The following RCOR1 variants were observed in gnomAD, a reference collection of about 807,000 sequenced individuals.
RCOR1 encodes the protein REST corepressor 1.
Under a neutral mutation model 64.0 loss-of-function variants are expected in RCOR1, and 12 were observed. The ratio of observed to expected loss-of-function variants is 0.19; its 90% CI spans 0.12 to 0.30. The LOEUF (loss-of-function observed/expected upper bound fraction) is 0.30, where lower values mean the gene tolerates loss of function less well. Ranked by LOEUF, RCOR1 falls within the 10% of genes least tolerant of loss-of-function variation. RCOR1 has a pLI of 1.00. For synonymous variants in RCOR1, 279 were observed against 227.2 expected (o/e 1.23, Z -2.05); for missense variants, 502 against 621.2 (o/e 0.81, Z 2.04).
chr14:102,623,389 TA>T (rs1893915845), intron 2 of RCOR1, among the ~76,000 whole-genome samples: 1 of 117,030 alleles, frequency 8.5e-6, no homozygotes, highest in African/African-American at 4.9e-5. Context: ...ATTTATTTAT[TA>T]TTTATTTATT....
At chr14:102,671,171 T>G (rs1413075403) in intron 2 of RCOR1, among the ~76,000 whole-genome samples, 9 of 152,226 alleles carry the variant, frequency 5.9e-5, no homozygotes, top group Admixed American at 5.9e-4. Context: ...ATTTGGCCAT[T>G]CTCTTTCTTG....
intron 2 of RCOR1, chr14:102,630,088 T>C: frequency 2.8e-6 from 2 of 713,012 alleles, no homozygotes; most frequent in Non-Finnish European, 3.4e-6. Flanking sequence ...TGAAATTTGA[T>C]CTCCAGTGTT....
chr14:102,698,069 G>T (rs537853265), intron 3 of RCOR1, among the ~76,000 whole-genome samples: 3 of 152,186 alleles, frequency 2.0e-5, no homozygotes, highest in African/African-American at 7.2e-5. Flanking sequence ...ACCTTAGTAA[G>T]AATACCTTAT....
At chr14:102,617,685 G>C (rs915903190) in intron 2 of RCOR1, among the ~76,000 whole-genome samples, 2 of 150,252 alleles carry the variant, frequency 1.3e-5, no homozygotes, top group Admixed American at 6.7e-5. Flanking sequence ...CACTTCCCAG[G>C]TTCAAGGGAT....
intron 2 of RCOR1, among the ~76,000 whole-genome samples, chr14:102,676,096 T>G (rs1895143076): frequency 4.0e-5 from 6 of 149,084 alleles, no homozygotes; most frequent in Admixed American, 4.0e-4. Context: ...ATGAAAAGTC[T>G]CCCATGTCTA....
intron 7 of RCOR1, among the ~76,000 whole-genome samples, chr14:102,711,612 G>C (rs185781808): frequency 1.3e-5 from 2 of 152,290 alleles, no homozygotes; most frequent in Admixed American, 6.5e-5. Flanking sequence ...CTTTTACATA[G>C]GTTCATAGAG....
chr14:102,701,302 A>G lies in RCOR1; in HGVS notation c.470A>G (p.Lys157Arg), dbSNP rs758020479. The change falls in exon 4 of 12, where the codon AAA (lysine) becomes AGA (arginine). Residue 157 changes from lysine (K) to arginine (R), a missense_variant. Lys to Arg is a conservative substitution (Grantham distance 26, BLOSUM62 2). Transcript: ENST00000262241. ...GTGGATGAATACATTGCCATTGCCA[A>G]AGAAAAGCATGGGTACAACATGGAA... ...AKLDEYIAIAKEKHGYNMEQA... is the reference protein window; with the variant it reads ...AKLDEYIAIAREKHGYNMEQA... The G allele has an allele frequency of 6.2e-7, 1 of 1,613,146 alleles. No individual in the cohort carries two copies.
chr14:102,655,311 T>C (rs1391824138), intron 2 of RCOR1: 9 of 984,958 alleles, frequency 9.1e-6, no homozygotes, highest in African/African-American at 1.7e-5. Flanking sequence ...GTTTAAATAC[T>C]GGAGAATATC....
In RCOR1 at chr14:102,714,576, C is replaced by T; in HGVS notation, c.1012C>T (p.Leu338=). 2 of 1,612,054 alleles carry T rather than the reference C, an allele frequency of 1.2e-6. No individual in the cohort carries two copies. Among genetic ancestry groups the T allele is most frequent in the South Asian group, 2.2e-5 (2 of 90,930 alleles). The change falls in exon 8 of 12, where the codon CTG becomes TTG. Residue 338 remains leucine (L), a synonymous_variant. Transcript: ENST00000262241. ...SANATAATTV[L]RQLDMELVSV... is the part of the protein sequence containing the mutation. ...CAATGCCACTGCTGCTACCACGGTG[C>T]TGAGACAACTAGACATGGAATTGGT...
chr14:102,719,519 G>T (rs958170569), intron 8 of RCOR1, among the ~76,000 whole-genome samples: 1 of 152,084 alleles, frequency 6.6e-6, no homozygotes, highest in Non-Finnish European at 1.5e-5. Flanking sequence ...CTGTCCTTGC[G>T]ATAGTTTGCT....
chr14:102,617,389 A>G (rs1893783350), intron 2 of RCOR1, among the ~76,000 whole-genome samples: 1 of 152,086 alleles, frequency 6.6e-6, no homozygotes, highest in East Asian at 1.9e-4. Context: ...ACTTGTGTAC[A>G]TGTTTTTGGG....
At chr14:102,602,269 C>T (rs1893417146) in intron 2 of RCOR1, among the ~76,000 whole-genome samples, 1 of 152,046 alleles carries the variant, frequency 6.6e-6, no homozygotes, top group African/African-American at 2.4e-5. Context: ...AGTACATTTC[C>T]ACTAGCAAGG....
intron 6 of RCOR1, among the ~76,000 whole-genome samples, chr14:102,709,461 A>G (rs1182049432): frequency 6.6e-6 from 1 of 152,234 alleles, no homozygotes; most frequent in African/African-American, 2.4e-5. Flanking sequence ...AAAATGAAGG[A>G]GGATGAAATA....
chr14:102,689,754 A>AT (rs1365003633), intron 3 of RCOR1, among the ~76,000 whole-genome samples: 2 of 152,070 alleles, frequency 1.3e-5, no homozygotes, highest in African/African-American at 4.8e-5. Flanking sequence ...AAGCTGGCTG[A>AT]TTTTTTTGAG....
At chr14:102,685,079 T>TG (rs397948268) in intron 3 of RCOR1, among the ~76,000 whole-genome samples, 117 of 147,806 alleles carry the variant, frequency 7.9e-4, no homozygotes, top group African/African-American at 2.4e-3. Context: ...TGTGTGTGTG[T>TG]TTTTTTTTTC....
intron 2 of RCOR1, among the ~76,000 whole-genome samples, chr14:102,604,095 T>A (rs1893455603): frequency 6.6e-6 from 1 of 152,228 alleles, no homozygotes; most frequent in Non-Finnish European, 1.5e-5. Context: ...CTAAGATGAA[T>A]GTTACTGAGA....
chr14:102,701,257 G>T (rs373596743), intron 3 of RCOR1, 21 bp from the exon 4 acceptor site: 1 of 1,605,460 alleles, frequency 6.2e-7, no homozygotes, highest in African/African-American at 1.3e-5. Context: ...TTGTTTAATG[G>T]CATCTCTTCT....
chr14:102,629,606 G>T (rs1894066319), intron 2 of RCOR1, among the ~76,000 whole-genome samples: 1 of 152,140 alleles, frequency 6.6e-6, no homozygotes, highest in Admixed American at 6.5e-5. Flanking sequence ...AAGTATAGGT[G>T]TCTGGCCTGG....
intron 2 of RCOR1, among the ~76,000 whole-genome samples, chr14:102,676,312 C>T (rs1452572685): frequency 2.8e-5 from 4 of 144,870 alleles, no homozygotes; most frequent in African/African-American, 5.3e-5. Flanking sequence ...CCTCACCTCC[C>T]GGATGGGGCG....
Sources: gnomAD v4.1 joint callset for allele counts (sites outside exome capture counted in the v4.1 genomes callset) on GRCh38, gnomAD v4.1.1 for gene constraint, MANE v1.5 for transcripts, NCBI Gene and HGNC (gene_info 2026-07-23, HGNC 2026-07-21) for gene names.